MMP26: variants seen among roughly 807,000 people sequenced by gnomAD.
MMP26 encodes matrix metalloproteinase-26.
In MMP26, 33 loss-of-function variants were observed where a neutral mutation model predicts 31.0. That is an observed-to-expected ratio of 1.06 (90% CI 0.81 to 1.42). MMP26 has a LOEUF of 1.42. Ranked by LOEUF, MMP26 falls within the 40% of genes most tolerant of loss-of-function variation. The probability of loss-of-function intolerance (pLI) is 0.00; values close to 1 mark genes in which losing one functional copy is unlikely to be tolerated. For synonymous variants in MMP26, 122 were observed against 114.9 expected, an observed-to-expected ratio of 1.06 and a Z score of -0.40; for missense variants, 347 against 316.1, an observed-to-expected ratio of 1.10 and a Z score of -0.74.
intron 2 of MMP26, chr11:4,804,100 TCATGAG>T: frequency 6.2e-7 from 1 of 1,613,912 alleles, no homozygotes. Context: ...GTACTGAATC[TCATGAG>T]CATGAAACCA....
At chr11:4,835,411 G>A (rs1202672440) in intron 2 of MMP26, among the ~76,000 whole-genome samples, 1 of 143,010 alleles carries the variant, frequency 7.0e-6, no homozygotes, top group Non-Finnish European at 1.5e-5. Flanking sequence ...TCTGTGTGCT[G>A]TTAAGAAATT....
intron 2 of MMP26, among the ~76,000 whole-genome samples, chr11:4,879,645 G>A (rs879308613): frequency 6.6e-6 from 1 of 152,090 alleles, no homozygotes. Flanking sequence ...AACTCATAAG[G>A]TTGATTAAGA....
At chr11:4,706,944 A>G (rs1329680326) in intron 1 of MMP26, among the ~76,000 whole-genome samples, 1 of 152,212 alleles carries the variant, frequency 6.6e-6, no homozygotes, top group Non-Finnish European at 1.5e-5. Context: ...ATTCTATTAC[A>G]TGTATGTCTT....
At chr11:4,991,916 T>G in intron 6 of MMP26, 48 bp from the exon 7 acceptor site, 4 of 1,459,268 alleles carry the variant, frequency 2.7e-6, no homozygotes, top group Non-Finnish European at 3.7e-6. Flanking sequence ...CTTTCAGCAT[T>G]CCCTATGCAT....
intron 2 of MMP26, among the ~76,000 whole-genome samples, chr11:4,801,732 G>A (rs1462711911): frequency 1.2e-4 from 18 of 151,858 alleles, no homozygotes; most frequent in Admixed American, 8.5e-4. Context: ...AGTTGAGACC[G>A]GGTTTCACCA....
intron 2 of MMP26, chr11:4,945,693 T>C: frequency 4.9e-6 from 1 of 205,856 alleles, no homozygotes. Flanking sequence ...GGGTCCCATA[T>C]AACCATGTAA....
intron 2 of MMP26, chr11:4,770,066 C>A: frequency 1.7e-6 from 1 of 584,788 alleles, no homozygotes. Context: ...ATTGAGAAAC[C>A]TTTAAATTAA....
intron 2 of MMP26, among the ~76,000 whole-genome samples, chr11:4,959,794 G>T (rs1846495809): frequency 6.6e-6 from 1 of 152,088 alleles, no homozygotes; most frequent in Non-Finnish European, 1.5e-5. Flanking sequence ...GTTTATTGTT[G>T]ACTGTTTTCT....
chr11:4,781,871 C>G (rs531913283), intron 2 of MMP26, among the ~76,000 whole-genome samples: 12 of 152,136 alleles, frequency 7.9e-5, no homozygotes, highest in African/African-American at 2.4e-4. Context: ...AAGGGGAAAC[C>G]CTTTTTGTTT....
intron 1 of MMP26, among the ~76,000 whole-genome samples, chr11:4,731,473 G>T (rs1283969177): frequency 2.6e-5 from 4 of 152,138 alleles, no homozygotes; most frequent in Admixed American, 2.0e-4. Flanking sequence ...CTGGCATAAG[G>T]ACTACGGCTA....
At chr11:4,793,337 T>G (rs1991888) in intron 2 of MMP26, among the ~76,000 whole-genome samples, 56,139 of 151,992 alleles carry the variant, frequency 0.37, 11,451 homozygotes, top group African/African-American at 0.52. Flanking sequence ...TTTCTATTTT[T>G]TTTGTATCAA....
At chr11:4,822,744 T>A (rs1849527889) in intron 2 of MMP26, among the ~76,000 whole-genome samples, 2 of 152,194 alleles carry the variant, frequency 1.3e-5, no homozygotes, top group Non-Finnish European at 2.9e-5. Flanking sequence ...ACACTTTAAT[T>A]AGTTTCTTTT....
chr11:4,720,022 C>T (rs573833730), intron 1 of MMP26, among the ~76,000 whole-genome samples: 6 of 152,280 alleles, frequency 3.9e-5, no homozygotes, highest in South Asian at 2.1e-4. Context: ...GACAGCTTGC[C>T]GTGTCCATGG....
At chr11:4,966,562 A>G (rs569562042) in intron 2 of MMP26, among the ~76,000 whole-genome samples, 2 of 152,300 alleles carry the variant, frequency 1.3e-5, no homozygotes, top group Middle Eastern at 3.4e-3. Flanking sequence ...GCTAGCTAAG[A>G]AGAGAGTTCA....
chr11:4,963,721 C>T (rs1846552536), intron 2 of MMP26, among the ~76,000 whole-genome samples: 1 of 152,230 alleles, frequency 6.6e-6, no homozygotes, highest in Non-Finnish European at 1.5e-5. Context: ...AACTAATTTA[C>T]ACTCTTACCA....
At chr11:4,900,998 T>G (rs1850791777) in intron 2 of MMP26, among the ~76,000 whole-genome samples, 1 of 152,098 alleles carries the variant, frequency 6.6e-6, no homozygotes, top group African/African-American at 2.4e-5. Context: ...GCATACCAAC[T>G]TTACTCATTT....
chr11:4,808,091 C>A (rs1490988841), intron 2 of MMP26, among the ~76,000 whole-genome samples: 1 of 152,158 alleles, frequency 6.6e-6, no homozygotes, highest in Non-Finnish European at 1.5e-5. Flanking sequence ...AAGACATATG[C>A]CACTATGCCC....
At chr11:4,801,531 TATTTATTTATTTA>T (rs1329653108) in intron 2 of MMP26, among the ~76,000 whole-genome samples, 13 of 149,468 alleles carry the variant, frequency 8.7e-5, no homozygotes, top group Admixed American at 2.0e-4. Flanking sequence ...TTTATTTATT[TATTTATTTATTTA>T]TTTATTTATT....
Position 4,722,697 on chromosome 11 carries a change from C to G in MMP26, c.-217+17652C>G, listed in dbSNP as rs1490127415. 6 of 744,456 alleles carry G rather than the reference C, an allele frequency of 8.1e-6. No individual in the cohort carries two copies. In the Admixed American group the frequency reaches 1.1e-4, roughly 14 times the overall value. 46.1% of individuals were successfully genotyped at this position (744,456 alleles called of 1,614,324 possible). ...CCTCCCTCCTGTGCTTTCCCGCAGC[C>G]GCAGGAGGGGCAGGCTGGGAGGGGC... On this transcript the variant is annotated intron_variant, in intron 1 of 7. Coordinates refer to ENST00000380390, the MANE Select transcript of MMP26 (RefSeq NM_021801.5).
Sources: allele counts gnomAD v4.1 joint callset (sites outside exome capture counted in the v4.1 genomes callset), GRCh38; gene constraint gnomAD v4.1.1; transcripts MANE v1.5; gene names NCBI Gene and HGNC (gene_info 2026-07-23, HGNC 2026-07-21).